ST6GALNAC3: variants seen among roughly 807,000 people sequenced by gnomAD.
ST6GALNAC3 encodes ST6 N-acetylgalactosaminide alpha-2,6-sialyltransferase 3.
A neutral mutation model predicts 32.7 loss-of-function variants in ST6GALNAC3; 25 were observed. The observed-to-expected ratio is 0.76, with a 90% CI of 0.56 to 1.07. The LOEUF is 1.07. ST6GALNAC3 is among the 50% of genes least tolerant of loss of function. The probability of loss-of-function intolerance (pLI) is 0.00; values close to 1 mark genes in which losing one functional copy is unlikely to be tolerated. For missense variants in ST6GALNAC3, 355 were observed against 382.4 expected, an observed-to-expected ratio of 0.93 and a Z score of 0.60; for synonymous variants, 129 against 133.1, an observed-to-expected ratio of 0.97 and a Z score of 0.21.
chr1:76,144,911 C>G (rs1424467033), intron 1 of ST6GALNAC3, among the ~76,000 whole-genome samples: 1 of 152,200 alleles, frequency 6.6e-6, no homozygotes, highest in Non-Finnish European at 1.5e-5. Context: ...TGTCTTCACT[C>G]TGTTATGAGT....
Position 76,178,888 on chromosome 1 carries a change from A to G in ST6GALNAC3, c.18+104004A>G, listed in dbSNP as rs146160908. Among the ~76,000 whole-genome samples, 848 of 152,286 alleles carry G rather than the reference A, an allele frequency of 5.6e-3. 10 individuals are homozygous for G. Among genetic ancestry groups the G allele is most frequent in the African/African-American group, 0.019 (780 of 41,560 alleles). ...CCTTACCCATTGGCCTTGGATGCCT[A>G]TTTCTGTCTTCCTTGTCTACTACTG... is the stretch of plus-strand genomic sequence containing the variant. On this transcript the variant is annotated intron_variant, in intron 1 of 4. Coordinates refer to ENST00000328299, the MANE Select transcript of ST6GALNAC3 (RefSeq NM_152996.4).
intron 3 of ST6GALNAC3, among the ~76,000 whole-genome samples, chr1:76,544,080 TA>T (rs1473386853): frequency 4.4e-3 from 20 of 4,508 alleles, no homozygotes; most frequent in South Asian, 0.048. Context: ...TAATTACATT[TA>T]TATATATATA....
intron 2 of ST6GALNAC3, among the ~76,000 whole-genome samples, chr1:76,383,441 A>T (rs1385860162): frequency 6.0e-5 from 8 of 134,350 alleles, no homozygotes; most frequent in Non-Finnish European, 1.1e-4. Flanking sequence ...TGGCTAATTA[A>T]TTTTTTTTTT....
intron 3 of ST6GALNAC3, among the ~76,000 whole-genome samples, chr1:76,607,418 G>A (rs986240716): frequency 6.6e-6 from 1 of 152,256 alleles, no homozygotes; most frequent in Non-Finnish European, 1.5e-5. Flanking sequence ...GAGGCTGAAA[G>A]TTCCAATACT....
chr1:76,383,997 A>G (rs1455946840), intron 2 of ST6GALNAC3, among the ~76,000 whole-genome samples: 3 of 152,164 alleles, frequency 2.0e-5, no homozygotes, highest in Admixed American at 2.0e-4. Context: ...ATAGGACCAA[A>G]GAACAAATGA....
rs187741953 is a variant in ST6GALNAC3 at position 76,540,930 on chromosome 1, A to G, written c.624-86522A>G. ...ACCAATATGTAAACAGAGAATGCCA[A>G]TGTAATGTGGTAAGTGTGATGATAG... On this transcript the variant is annotated intron_variant, in intron 3 of 4. Transcript: ENST00000328299. 4.9e-4 allele frequency among the ~76,000 whole-genome samples: 75 copies of G among 152,268 alleles called. No homozygotes were observed. In the Middle Eastern group the frequency reaches 0.014, roughly 28 times the overall value.
intron 3 of ST6GALNAC3, among the ~76,000 whole-genome samples, chr1:76,469,569 C>G (rs539880466): frequency 2.0e-5 from 3 of 152,180 alleles, no homozygotes; most frequent in East Asian, 1.9e-4. Flanking sequence ...ACAGTTGTTT[C>G]TTGGTATGCT....
chr1:76,603,548 T>C lies in ST6GALNAC3; in HGVS notation c.624-23904T>C, dbSNP rs1647339429. Among the ~76,000 whole-genome samples the C allele has an allele frequency of 2.6e-5, 4 of 152,220 alleles. No homozygotes were observed. The East Asian group carries it at 5.8e-4, about 22-fold the overall frequency. ...AATATTTTGTTCATGGACACGTACA[T>C]GCACAGTAAAATGACGTTGAAAAAT... On this transcript the variant is annotated intron_variant, in intron 3 of 4. Transcript: ENST00000328299.
intron 3 of ST6GALNAC3, among the ~76,000 whole-genome samples, chr1:76,517,480 CAG>C (rs1047553761): frequency 6.6e-6 from 1 of 151,656 alleles, no homozygotes; most frequent in African/African-American, 2.4e-5. Flanking sequence ...TTTATTCTTG[CAG>C]AGTCGCCTTT....
chr1:76,174,663 C>CTTTTTT (rs59269306), intron 1 of ST6GALNAC3, among the ~76,000 whole-genome samples: 48 of 140,090 alleles, frequency 3.4e-4, no homozygotes, highest in Non-Finnish European at 5.0e-4. Context: ...TTTTTCTTTT[C>CTTTTTT]TTTTTTTTTT....
intron 1 of ST6GALNAC3, among the ~76,000 whole-genome samples, chr1:76,082,960 A>T (rs1383104023): frequency 6.6e-6 from 1 of 151,966 alleles, no homozygotes; most frequent in African/African-American, 2.4e-5. Context: ...TTATCTTAAT[A>T]TTTACTCAGA....
chr1:76,540,711 T>C (rs530593833), intron 3 of ST6GALNAC3, among the ~76,000 whole-genome samples: 11 of 152,236 alleles, frequency 7.2e-5, no homozygotes, highest in African/African-American at 2.6e-4. Flanking sequence ...TTGCCATTAA[T>C]TAAAGAAGAT....
intron 2 of ST6GALNAC3, among the ~76,000 whole-genome samples, chr1:76,377,461 A>AGAGG (rs34879302): frequency 0.012 from 3 of 246 alleles, no homozygotes; most frequent in Non-Finnish European, 0.062. Flanking sequence ...TTCACAGGGC[A>AGAGG]GAGAGAGAGA....
At chr1:76,385,906 C>G (rs1158983373) in intron 2 of ST6GALNAC3, among the ~76,000 whole-genome samples, 1 of 151,800 alleles carries the variant, frequency 6.6e-6, no homozygotes, top group Non-Finnish European at 1.5e-5. Flanking sequence ...AATTTATGAC[C>G]CTGAGAGTCA....
intron 3 of ST6GALNAC3, among the ~76,000 whole-genome samples, chr1:76,465,643 A>G (rs1198184013): frequency 1.3e-5 from 2 of 152,162 alleles, no homozygotes; most frequent in Non-Finnish European, 2.9e-5. Context: ...ATGTCATATT[A>G]GCCAAACACT....
At chr1:76,480,189 T>C (rs2101652796) in intron 3 of ST6GALNAC3, among the ~76,000 whole-genome samples, 1 of 152,334 alleles carries the variant, frequency 6.6e-6, no homozygotes, top group East Asian at 1.9e-4. Flanking sequence ...TGCAAATTAA[T>C]ATTCAACTAC....
At chr1:76,601,298 A>G (rs1647227215) in intron 3 of ST6GALNAC3, among the ~76,000 whole-genome samples, 1 of 152,062 alleles carries the variant, frequency 6.6e-6, no homozygotes, top group Admixed American at 6.6e-5. Flanking sequence ...TTTGCTCTTT[A>G]TTTTCTAGTA....
chr1:76,121,587 G>C (rs1401538074), intron 1 of ST6GALNAC3, among the ~76,000 whole-genome samples: 2 of 152,094 alleles, frequency 1.3e-5, no homozygotes, highest in Non-Finnish European at 2.9e-5. Context: ...ATGGTGATGG[G>C]TGCCTGTAAT....
At chr1:76,160,210 G>A (rs1225587796) in intron 1 of ST6GALNAC3, among the ~76,000 whole-genome samples, 1 of 152,172 alleles carries the variant, frequency 6.6e-6, no homozygotes, top group African/African-American at 2.4e-5. Flanking sequence ...AGTAATCCCA[G>A]AGGTCAAGAG....
Sources: gnomAD v4.1 joint callset for allele counts (sites outside exome capture counted in the v4.1 genomes callset) on GRCh38, gnomAD v4.1.1 for gene constraint, MANE v1.5 for transcripts, NCBI Gene and HGNC (gene_info 2026-07-23, HGNC 2026-07-21) for gene names.